Variants in TTLL11 observed in about 807,000 individuals in gnomAD.
TTLL11 encodes tubulin polyglutamylase TTLL11.
A neutral mutation model predicts 51.7 loss-of-function variants in TTLL11; 42 were observed. The observed-to-expected ratio is 0.81, with a 90% CI of 0.64 to 1.05. TTLL11 has a LOEUF of 1.05. Ranked by LOEUF, TTLL11 falls within the 50% of genes least tolerant of loss-of-function variation. The pLI is 0.00. For missense variants in TTLL11, 799 were observed against 940.4 expected (o/e 0.85, Z 1.97); for synonymous variants, 381 against 383.5 (o/e 0.99, Z 0.08).
chr9:122,050,977 T>C (rs1845141237), intron 1 of TTLL11, among the ~76,000 whole-genome samples: 1 of 152,150 alleles, frequency 6.6e-6, no homozygotes, highest in African/African-American at 2.4e-5. Context: ...TGGTGTAAGA[T>C]CATAGATGTT....
chr9:121,892,799 T>C (rs1249941164), intron 6 of TTLL11, among the ~76,000 whole-genome samples: 2 of 152,334 alleles, frequency 1.3e-5, no homozygotes, highest in East Asian at 3.9e-4. Context: ...GTCCCCTTTG[T>C]CGTGGCCACT....
chr9:121,850,680 G>A (rs536765854), intron 8 of TTLL11, among the ~76,000 whole-genome samples: 31 of 152,084 alleles, frequency 2.0e-4, no homozygotes, highest in Non-Finnish European at 4.1e-4. Flanking sequence ...GTGAATCTTC[G>A]CCATCCAGTT....
chr9:121,946,766 G>T (rs1588145774), intron 6 of TTLL11, among the ~76,000 whole-genome samples: 1 of 152,156 alleles, frequency 6.6e-6, no homozygotes, highest in Middle Eastern at 3.4e-3. Context: ...CCATGTTCAG[G>T]CTCCACCCCC....
chr9:121,951,642 A>G (rs1841853702), intron 6 of TTLL11, among the ~76,000 whole-genome samples: 1 of 152,208 alleles, frequency 6.6e-6, no homozygotes, highest in Non-Finnish European at 1.5e-5. Context: ...AAGTAGAAGA[A>G]TTCCTCTGGA....
chr9:122,014,283 C>T (rs1453919808), intron 3 of TTLL11, among the ~76,000 whole-genome samples: 3 of 151,964 alleles, frequency 2.0e-5, no homozygotes, highest in Non-Finnish European at 2.9e-5. Context: ...GAAAATTGCT[C>T]GAACCCAGGA....
chr9:121,849,144 A>T (rs1446276380), intron 8 of TTLL11, among the ~76,000 whole-genome samples: 2 of 152,254 alleles, frequency 1.3e-5, no homozygotes, highest in African/African-American at 4.8e-5. Context: ...AATTCAATGT[A>T]GAGAGGTTAG....
chr9:122,033,884 C>T (rs1326447634), intron 2 of TTLL11, among the ~76,000 whole-genome samples: 1 of 152,208 alleles, frequency 6.6e-6, no homozygotes, highest in Non-Finnish European at 1.5e-5. Flanking sequence ...GGACACTGTT[C>T]TGAGCTTCCC....
At chr9:121,918,522 G>A (rs770766319) in intron 6 of TTLL11, among the ~76,000 whole-genome samples, 3 of 152,124 alleles carry the variant, frequency 2.0e-5, no homozygotes, top group Non-Finnish European at 4.4e-5. Flanking sequence ...GACAAGGTAG[G>A]GGCTGTCCAA....
rs534060240 is a variant in TTLL11, at chr9:121,908,000, C to T, written c.1482-37252G>A. Among the ~76,000 whole-genome samples the T allele has an allele frequency of 2.1e-3, 314 of 152,224 alleles. 1 individual carries two copies. The highest frequency in any genetic ancestry group is 7.3e-3 in the African/African-American group (305 of 41,538). On this transcript the variant is annotated intron_variant, in intron 6 of 8. Transcript: ENST00000321582. The stretch of plus-strand genomic sequence containing the variant: ...TAGCCTTTCTGGGGCTCAGTATTCT[C>T]ATCTGTAAAATGGGGGTGATTATAG...
At position 121,933,995 on chromosome 9, in the gene TTLL11, C is replaced by T. The variant is rs141782681; in HGVS notation, c.1481+40014G>A. Among the ~76,000 whole-genome samples the T allele has an allele frequency of 9.6e-3, 1,459 of 152,240 alleles. 20 individuals carry two copies. Among genetic ancestry groups the T allele is most frequent in the African/African-American group, 0.033 (1,383 of 41,546 alleles). On this transcript the variant is annotated intron_variant, in intron 6 of 8. Coordinates refer to ENST00000321582, the MANE Select transcript of TTLL11 (RefSeq NM_001139442.2). Reference sequence around the variant, plus strand: ...CTGTAATCCCAGCACTTTGGGAGGCCGAGACTGGCGGATCACCTGAGATCA... The same window carrying T: ...CTGTAATCCCAGCACTTTGGGAGGCTGAGACTGGCGGATCACCTGAGATCA...
Position 121,968,096 on chromosome 9 carries a change from C to T in TTLL11, c.1481+5913G>A, listed in dbSNP as rs146726804. Among the ~76,000 whole-genome samples the T allele has an allele frequency of 3.1e-4, 47 of 152,260 alleles. No individual in the cohort carries two copies. In the East Asian group the frequency reaches 8.1e-3, roughly 26 times the overall value. ...GACTTTGTGAATGTACTAAATGCCA[C>T]GGAATTGTGCGCTTTTAAATGGTTC... On this transcript the variant is annotated intron_variant, in intron 6 of 8. Transcript: ENST00000321582.
chr9:121,943,038 G>C (rs1046578232), intron 6 of TTLL11, among the ~76,000 whole-genome samples: 2 of 152,190 alleles, frequency 1.3e-5, no homozygotes, highest in South Asian at 4.1e-4. Context: ...TGTGAGATGT[G>C]AATGAAGATA....
At chr9:121,877,252 A>G (rs1247537032) in intron 6 of TTLL11, among the ~76,000 whole-genome samples, 1 of 152,242 alleles carries the variant, frequency 6.6e-6, no homozygotes, top group Non-Finnish European at 1.5e-5. Context: ...AAGTCCCTTA[A>G]ATTAGCCCTG....
chr9:122,082,333 G>A (rs752403888), intron 1 of TTLL11, among the ~76,000 whole-genome samples: 10 of 151,878 alleles, frequency 6.6e-5, no homozygotes, highest in South Asian at 2.1e-4. Context: ...GTGAAACCCC[G>A]TCTCTACTGA....
intron 7 of TTLL11, among the ~76,000 whole-genome samples, chr9:121,865,540 T>C (rs899072781): frequency 6.6e-6 from 1 of 152,194 alleles, no homozygotes; most frequent in Admixed American, 6.5e-5. Context: ...TGGGACACAT[T>C]TGTAAAAATT....
chr9:121,822,984 C>G lies in TTLL11; in HGVS notation c.1841-105G>C. On this transcript the variant is annotated intron_variant, in intron 8 of 8. Transcript: ENST00000321582. The surrounding 1 kb of genome is among the most constrained non-coding windows in gnomAD (Gnocchi z 5.8). Reference sequence around the variant, plus strand: ...GATGTCAGCAAGAGCTAGCCCCGCTCCCCACCACCGTCTCCATTCCAGAAA... The same window carrying G: ...GATGTCAGCAAGAGCTAGCCCCGCTGCCCACCACCGTCTCCATTCCAGAAA... 1 of 1,279,572 alleles carries G rather than the reference C, an allele frequency of 7.8e-7. No homozygotes were observed. Among genetic ancestry groups the G allele is most frequent in the Non-Finnish European group, 1.1e-6 (1 of 946,184 alleles). The allele number at this position is 1,279,572 out of a possible 1,614,324, so 79.3% of individuals were successfully genotyped here.
At chr9:121,985,575 G>A (rs1164142795) in intron 4 of TTLL11, among the ~76,000 whole-genome samples, 1 of 144,118 alleles carries the variant, frequency 6.9e-6, no homozygotes, top group African/African-American at 2.6e-5. Context: ...GGAGTGCAGT[G>A]GCGCGATCTC....
chr9:121,843,026 G>A (rs1232586441), intron 8 of TTLL11, among the ~76,000 whole-genome samples: 6 of 152,076 alleles, frequency 3.9e-5, no homozygotes, highest in South Asian at 2.1e-4. Context: ...CAGCTCTGAC[G>A]CATAAAGAGC....
chr9:121,974,281 G>A (rs531864569), intron 5 of TTLL11, among the ~76,000 whole-genome samples, 157 bp from the exon 6 acceptor site: 14 of 152,092 alleles, frequency 9.2e-5, no homozygotes, highest in Admixed American at 5.2e-4. Flanking sequence ...TAAGAATGTC[G>A]ATTTCCTTTT....
Sources: allele counts gnomAD v4.1 joint callset (sites outside exome capture counted in the v4.1 genomes callset), GRCh38; gene constraint gnomAD v4.1.1; non-coding constraint Gnocchi (gnomAD v3.1); transcripts MANE v1.5; gene names NCBI Gene and HGNC (gene_info 2026-07-23, HGNC 2026-07-21).